The following PSMG4 variants were observed in gnomAD, a reference collection of about 807,000 sequenced individuals.
The protein encoded by PSMG4 is proteasome assembly chaperone 4.
In PSMG4, 10 loss-of-function variants were observed where a neutral mutation model predicts 11.0. The ratio of observed to expected loss-of-function variants is 0.91; its 90% CI spans 0.56 to 1.54. The LOEUF (loss-of-function observed/expected upper bound fraction) is 1.54. PSMG4 is among the 40% of genes most tolerant of loss of function. The pLI, the probability that PSMG4 is intolerant of heterozygous loss-of-function variation, is 0.00. For synonymous variants in PSMG4, 95 were observed against 71.3 expected (o/e 1.33, Z -1.68); for missense variants, 198 against 160.9 (o/e 1.23, Z -1.25).
intron 1 of PSMG4, among the ~76,000 whole-genome samples, chr6:3,261,917 A>G (rs1044128253): frequency 2.6e-4 from 40 of 152,202 alleles, no homozygotes; most frequent in Middle Eastern, 3.2e-3. Flanking sequence ...GGTCCCTCTC[A>G]GGAATTTTGC....
chr6:3,258,344 G>C (rs1757835739), upstream of PSMG4, among the ~76,000 whole-genome samples: 1 of 152,202 alleles, frequency 6.6e-6, no homozygotes, highest in Admixed American at 6.5e-5. Context: ...GGGACTCGGC[G>C]TCCAAAAGGG....
At chr6:3,255,271 T>G, upstream of PSMG4, 6 of 1,543,332 alleles carry the variant, frequency 3.9e-6, no homozygotes, top group Non-Finnish European at 5.3e-6. Flanking sequence ...ACCACGGCTG[T>G]CTTACGGGTC....
At chr6:3,255,945 CATT>C (rs1757747898), upstream of PSMG4, among the ~76,000 whole-genome samples, 1 of 152,232 alleles carries the variant, frequency 6.6e-6, no homozygotes, top group Admixed American at 6.5e-5. Flanking sequence ...GTACCTATGG[CATT>C]ATCACACCAC....
intron 1 of PSMG4, among the ~76,000 whole-genome samples, chr6:3,261,813 G>C (rs1170924103): frequency 6.6e-6 from 1 of 152,232 alleles, no homozygotes; most frequent in African/African-American, 2.4e-5. Flanking sequence ...CGTCCATGCA[G>C]GTAGACTCTG....
intron 2 of PSMG4, chr6:3,264,157 G>A (rs1426226527): frequency 6.5e-7 from 1 of 1,548,142 alleles, no homozygotes; most frequent in African/African-American, 1.4e-5. Flanking sequence ...GGTGGAGCAG[G>A]TGTCACCTCT....
At chr6:3,258,944 C>A, upstream of PSMG4, 6 of 1,204,628 alleles carry the variant, frequency 5.0e-6, no homozygotes, top group Non-Finnish European at 6.2e-6. Flanking sequence ...TCTCTCGGTG[C>A]TCGCTCCATC....
chr6:3,257,795 TGA>T (rs139201718), upstream of PSMG4, among the ~76,000 whole-genome samples: 432 of 152,364 alleles, frequency 2.8e-3, 6 homozygotes, highest in African/African-American at 9.9e-3. Flanking sequence ...ATTGTGATGA[TGA>T]TTTCACTGGC....
chr6:3,256,450 C>A (rs1221225212), upstream of PSMG4, among the ~76,000 whole-genome samples: 1 of 152,220 alleles, frequency 6.6e-6, no homozygotes, highest in African/African-American at 2.4e-5. Flanking sequence ...AATTCCAGCT[C>A]TAACCCTTCA....
At chr6:3,261,678 C>T (rs1175056146) in intron 1 of PSMG4, among the ~76,000 whole-genome samples, 3 of 152,140 alleles carry the variant, frequency 2.0e-5, no homozygotes, top group East Asian at 1.9e-4. Flanking sequence ...GGCAGAGAGC[C>T]GAGCCAGCTG....
At chr6:3,257,046 TCA>T (rs940962485), upstream of PSMG4, among the ~76,000 whole-genome samples, 1 of 152,194 alleles carries the variant, frequency 6.6e-6, no homozygotes, top group Non-Finnish European at 1.5e-5. Flanking sequence ...TCTTTCACTG[TCA>T]CAGAGTGAGC....
upstream of PSMG4, among the ~76,000 whole-genome samples, chr6:3,255,381 G>C (rs889805316): frequency 1.3e-5 from 2 of 152,190 alleles, no homozygotes; most frequent in African/African-American, 4.8e-5. Context: ...GATGATGTTT[G>C]TTGAGTGATA....
At chr6:3,261,888 C>T (rs1758004657) in intron 1 of PSMG4, among the ~76,000 whole-genome samples, 1 of 152,182 alleles carries the variant, frequency 6.6e-6, no homozygotes, top group African/African-American at 2.4e-5. Flanking sequence ...ATCCATAAAG[C>T]CTGAACTAGT....
intron 1 of PSMG4, among the ~76,000 whole-genome samples, 161 bp downstream of exon 1, chr6:3,259,357 G>GC (rs1159672090): frequency 6.6e-6 from 1 of 152,186 alleles, no homozygotes; most frequent in African/African-American, 2.4e-5. Flanking sequence ...GGGCGCCAGG[G>GC]CCTGCACCAC....
At chr6:3,254,443 GTTTTCTGCT>G (rs1757662756), upstream of PSMG4, among the ~76,000 whole-genome samples, 1 of 72,768 alleles carries the variant, frequency 1.4e-5, no homozygotes, top group Non-Finnish European at 4.3e-5. Flanking sequence ...TGCTGTAATA[GTTTTCTGCT>G]TTTTTTGTGT....
chr6:3,258,883 C>T (rs2127255791), upstream of PSMG4: 1 of 847,102 alleles, frequency 1.2e-6, no homozygotes, highest in Admixed American at 4.3e-5. Flanking sequence ...CCCTCCCCGA[C>T]CACGCCCCTC....
upstream of PSMG4, chr6:3,255,068 A>C: frequency 6.4e-7 from 1 of 1,551,008 alleles, no homozygotes; most frequent in Non-Finnish European, 8.7e-7. Flanking sequence ...CACACTTGGA[A>C]TATGCTTCTA....
chr6:3,263,766 ACC>A lies in PSMG4; in HGVS notation c.250+9_250+10del. ...GGCCTTGCCCAGCGCCTAGGTATGTACCCACAGCTGGCGCTGCATGGCCAGCC... is the reference window on the plus strand; with the variant it reads ...GGCCTTGCCCAGCGCCTAGGTATGTACACAGCTGGCGCTGCATGGCCAGCC... On this transcript the variant is annotated splice_region_variant and intron_variant, in intron 2 of 2. Transcript: ENST00000438998. 1 of 1,550,308 alleles carries A rather than the reference ACC, an allele frequency of 6.5e-7. No homozygotes were observed. Among genetic ancestry groups the A allele is most frequent in the Non-Finnish European group, 8.7e-7 (1 of 1,146,218 alleles).
chr6:3,255,221 T>C, upstream of PSMG4: 7 of 1,549,830 alleles, frequency 4.5e-6, no homozygotes, highest in Non-Finnish European at 6.1e-6. Context: ...AGGAGCAAAA[T>C]CAACTCTGGT....
At chr6:3,260,651 C>T (rs1231797174) in intron 1 of PSMG4, among the ~76,000 whole-genome samples, 1 of 152,190 alleles carries the variant, frequency 6.6e-6, no homozygotes, top group African/African-American at 2.4e-5. Context: ...TAAATTACAT[C>T]TTATTTACAT....
Sources: gnomAD v4.1 joint callset for allele counts (sites outside exome capture counted in the v4.1 genomes callset) on GRCh38, gnomAD v4.1.1 for gene constraint, MANE v1.5 for transcripts, NCBI Gene and HGNC (gene_info 2026-07-23, HGNC 2026-07-21) for gene names.